The following CSMD1 variants were observed in gnomAD, a reference collection of about 807,000 sequenced individuals.
CSMD1 encodes the protein CUB and Sushi multiple domains 1, also known as CUB and sushi domain-containing protein 1.
A neutral mutation model predicts 417.5 loss-of-function variants in CSMD1; 213 were observed. The observed-to-expected ratio is 0.51, with a 90% CI of 0.46 to 0.57. The LOEUF is 0.57. Among genes scored for constraint, CSMD1 ranks in the 20% least tolerant of loss-of-function variants. The pLI, the probability that CSMD1 is intolerant of heterozygous loss-of-function variation, is 0.00. For missense variants in CSMD1, 6,923 were observed against 4,529.7 expected, an observed-to-expected ratio of 1.53 and a Z score of -15.17; for synonymous variants, 2,862 against 1,736.8, an observed-to-expected ratio of 1.65 and a Z score of -16.11.
chr8:3,061,045 A>C (rs145863730), intron 49 of CSMD1, among the ~76,000 whole-genome samples: 1 of 152,224 alleles, frequency 6.6e-6, no homozygotes, highest in African/African-American at 2.4e-5. Context: ...GTTATTTTAT[A>C]CTAATGTTTA....
intron 2 of CSMD1, among the ~76,000 whole-genome samples, chr8:4,518,293 G>A (rs539779613): frequency 7.2e-4 from 110 of 152,252 alleles, no homozygotes; most frequent in African/African-American, 2.6e-3. Flanking sequence ...AGCAGCAGCA[G>A]AGTGAGGTAA....
chr8:4,336,454 T>C (rs545565198), intron 3 of CSMD1, among the ~76,000 whole-genome samples: 3 of 152,246 alleles, frequency 2.0e-5, no homozygotes, highest in East Asian at 1.9e-4. Flanking sequence ...GCATCTGTGC[T>C]ATGTGTAGAT....
At chr8:3,526,264 A>G (rs1797749499) in intron 10 of CSMD1, among the ~76,000 whole-genome samples, 1 of 152,192 alleles carries the variant, frequency 6.6e-6, no homozygotes, top group South Asian at 2.1e-4. Flanking sequence ...CTTAAAATAT[A>G]AAGCTACCAA....
At chr8:4,640,586 T>C (rs952884588) in intron 1 of CSMD1, among the ~76,000 whole-genome samples, 1 of 152,194 alleles carries the variant, frequency 6.6e-6, no homozygotes, top group African/African-American at 2.4e-5. Context: ...ATGTTTTCTT[T>C]GTAAACGATG....
At chr8:4,939,844 A>C (rs534119088) in intron 1 of CSMD1, among the ~76,000 whole-genome samples, 7 of 152,370 alleles carry the variant, frequency 4.6e-5, no homozygotes, top group African/African-American at 1.7e-4. Context: ...GTAGCATGGA[A>C]GTGAATAAGC....
chr8:4,246,156 T>C (rs932686685), intron 3 of CSMD1, among the ~76,000 whole-genome samples: 1 of 152,202 alleles, frequency 6.6e-6, no homozygotes, highest in African/African-American at 2.4e-5. Context: ...ATTATTTTCC[T>C]GATCCCCTCT....
intron 1 of CSMD1, among the ~76,000 whole-genome samples, chr8:4,981,594 T>A (rs1158710280): frequency 6.6e-6 from 1 of 152,238 alleles, no homozygotes; most frequent in Non-Finnish European, 1.5e-5. Context: ...TCCTATAAAA[T>A]ACCTATTTGT....
intron 2 of CSMD1, among the ~76,000 whole-genome samples, chr8:4,464,476 A>C (rs927127947): frequency 1.3e-5 from 2 of 152,196 alleles, no homozygotes; most frequent in Non-Finnish European, 2.9e-5. Context: ...AAAACCACCT[A>C]AGTCAAAGCT....
chr8:3,940,523 GT>G (rs1810808072), intron 5 of CSMD1, among the ~76,000 whole-genome samples: 2 of 151,252 alleles, frequency 1.3e-5, no homozygotes, highest in Non-Finnish European at 3.0e-5. Flanking sequence ...GTGTGTGTGT[GT>G]GTGTGTGTGT....
At chr8:4,776,551 C>G (rs949712966) in intron 1 of CSMD1, among the ~76,000 whole-genome samples, 2 of 152,094 alleles carry the variant, frequency 1.3e-5, no homozygotes, top group African/African-American at 4.8e-5. Flanking sequence ...TGTGAAATTC[C>G]ACTACGGGCT....
chr8:4,320,677 G>A (rs1293030187), intron 3 of CSMD1, among the ~76,000 whole-genome samples: 1 of 152,146 alleles, frequency 6.6e-6, no homozygotes, highest in Non-Finnish European at 1.5e-5. Flanking sequence ...GTCCTGCAAA[G>A]GACATGAACT....
chr8:3,622,960 T>A (rs1307792992), intron 7 of CSMD1, among the ~76,000 whole-genome samples: 1 of 152,212 alleles, frequency 6.6e-6, no homozygotes, highest in African/African-American at 2.4e-5. Flanking sequence ...TTTTGTTGAA[T>A]TATATCTTTT....
At chr8:3,777,407 T>C (rs552924449) in intron 5 of CSMD1, among the ~76,000 whole-genome samples, 1 of 152,230 alleles carries the variant, frequency 6.6e-6, no homozygotes, top group Non-Finnish European at 1.5e-5. Context: ...TCCACTGCTC[T>C]TGCACCTGGG....
intron 1 of CSMD1, among the ~76,000 whole-genome samples, chr8:4,863,355 G>A (rs903266842): frequency 6.6e-6 from 1 of 151,974 alleles, no homozygotes; most frequent in Non-Finnish European, 1.5e-5. Flanking sequence ...AGAAGTCCTT[G>A]GCCAACATTA....
chr8:3,404,123 C>G (rs1039340576), intron 15 of CSMD1, among the ~76,000 whole-genome samples: 4 of 152,086 alleles, frequency 2.6e-5, no homozygotes, highest in Non-Finnish European at 4.4e-5. Flanking sequence ...CCTCTGAGGT[C>G]AGGAGTTTGA....
At chr8:4,726,329 G>A (rs1054245879) in intron 1 of CSMD1, among the ~76,000 whole-genome samples, 12 of 150,808 alleles carry the variant, frequency 8.0e-5, no homozygotes, top group African/African-American at 2.7e-4. Context: ...AAAAAAAAAA[G>A]CTTTTTGTAT....
At chr8:3,248,984 G>C (rs1235562309) in intron 26 of CSMD1, among the ~76,000 whole-genome samples, 1 of 152,054 alleles carries the variant, frequency 6.6e-6, no homozygotes, top group Admixed American at 6.6e-5. Context: ...ACCTTCTCTA[G>C]AAGGTGCACT....
At position 4,325,817 on chromosome 8, in the gene CSMD1, G is replaced by A. The variant is rs537949829; in HGVS notation, c.415+94136C>T. On this transcript the variant is annotated intron_variant, in intron 3 of 69. Transcript: ENST00000635120. ...CCATTTAAAATGCTGATGACCCTGA[G>A]AACGACTGTAGATTAACAAAAGCTT... 3.5e-4 allele frequency among the ~76,000 whole-genome samples: 53 copies of A among 152,234 alleles called. 2 individuals carry two copies. In the South Asian group the frequency reaches 0.01, roughly 30 times the overall value.
At chr8:3,612,231 G>C (rs1394821117) in intron 8 of CSMD1, among the ~76,000 whole-genome samples, 4 of 151,832 alleles carry the variant, frequency 2.6e-5, no homozygotes, top group Admixed American at 1.3e-4. Context: ...CATAACAAAA[G>C]GTATTGAAGA....
Sources: allele counts gnomAD v4.1 joint callset (sites outside exome capture counted in the v4.1 genomes callset), GRCh38; gene constraint gnomAD v4.1.1; transcripts MANE v1.5; gene names NCBI Gene and HGNC (gene_info 2026-07-23, HGNC 2026-07-21).